Variants in RNF10 observed in about 807,000 individuals in gnomAD.
The protein encoded by RNF10 is ring finger protein 10.
In RNF10, 38 loss-of-function variants were observed where a neutral mutation model predicts 91.4. The observed-to-expected ratio is 0.42, with a 90% CI of 0.32 to 0.54. The LOEUF (loss-of-function observed/expected upper bound fraction) is 0.54. Ranked by LOEUF, RNF10 falls within the 20% of genes least tolerant of loss-of-function variation. The probability of loss-of-function intolerance (pLI) is 0.16; values close to 1 mark genes in which losing one functional copy is unlikely to be tolerated. For synonymous variants in RNF10, 364 were observed against 366.3 expected, an observed-to-expected ratio of 0.99 and a Z score of 0.07; for missense variants, 945 against 1,012.0, an observed-to-expected ratio of 0.93 and a Z score of 0.90.
At chr12:120,567,761 A>T (rs1875984981) in intron 13 of RNF10, among the ~76,000 whole-genome samples, 1 of 151,942 alleles carries the variant, frequency 6.6e-6, no homozygotes, top group Admixed American at 6.6e-5. Context: ...CTATTCACGT[A>T]CTAATGGGAA....
chr12:120,559,397 T>C (rs1006293552), intron 6 of RNF10, among the ~76,000 whole-genome samples: 1 of 151,892 alleles, frequency 6.6e-6, no homozygotes, highest in Non-Finnish European at 1.5e-5. Context: ...GTTTTTGTTT[T>C]TGTTTTGAGA....
chr12:120,552,629 A>C lies in RNF10; in HGVS notation c.485A>C (p.His162Pro), dbSNP rs778753346. The C allele has an allele frequency of 6.2e-7, 1 of 1,614,178 alleles. No homozygotes were observed. Among genetic ancestry groups the C allele is most frequent in the Non-Finnish European group, 8.5e-7 (1 of 1,180,010 alleles). ...GQTGHFEGSG[H>P]GSWGKRNKWG... ...ACGGGTCACTTTGAAGGCAGTGGAC[A>C]TGGTAGCTGGGGAAAGAGGAACAAG... Residue 162 changes from histidine to proline, a missense_variant, in exon 3 of 17, where the codon CAT becomes CCT. Transcript: ENST00000325954.
chr12:120,568,155 A>G (rs492574), intron 13 of RNF10, among the ~76,000 whole-genome samples: 87,634 of 151,772 alleles, frequency 0.58, 29,040 homozygotes, highest in East Asian at 0.77. Context: ...TGAGGTGGGG[A>G]GATGGCTTGA....
rs758586614 is a variant in RNF10 at position 120,576,715 on chromosome 12, T to G, written c.*49T>G. On this transcript the variant is annotated 3_prime_UTR_variant, in exon 17 of 17. Coordinates refer to ENST00000325954, the MANE Select transcript of RNF10 (RefSeq NM_014868.5). ...TCCATCTGGTTTTTGTTTTTGTTTT[T>G]TTTTCCCCCATGCTTTTGTTTGGCT... 1.3e-6 allele frequency: 2 copies of G among 1,593,302 alleles called. No homozygotes were observed. Among genetic ancestry groups the G allele is most frequent in the Admixed American group, 1.9e-5 (1 of 53,768 alleles).
At chr12:120,568,658 T>C (rs1055148662) in intron 13 of RNF10, among the ~76,000 whole-genome samples, 1 of 151,994 alleles carries the variant, frequency 6.6e-6, no homozygotes, top group Non-Finnish European at 1.5e-5. Context: ...GTATTTTTAA[T>C]AGAGACAGGG....
intron 1 of RNF10, among the ~76,000 whole-genome samples, chr12:120,536,144 G>C (rs986156483): frequency 2.6e-5 from 4 of 152,124 alleles, no homozygotes; most frequent in Non-Finnish European, 5.9e-5. Context: ...GAGTGAGACC[G>C]GGCGCGGTGG....
At chr12:120,547,232 C>T (rs1210179013) in intron 2 of RNF10, among the ~76,000 whole-genome samples, 1 of 152,134 alleles carries the variant, frequency 6.6e-6, no homozygotes, top group Non-Finnish European at 1.5e-5. Context: ...GCTTTAAAGA[C>T]ACCTTCTCTG....
chr12:120,571,694 T>C (rs1405028905), intron 14 of RNF10, among the ~76,000 whole-genome samples: 1 of 152,204 alleles, frequency 6.6e-6, no homozygotes, highest in African/African-American at 2.4e-5. Context: ...ATAACTTGTG[T>C]ACTGGATACT....
At chr12:120,552,969 T>A (rs1873343882) in intron 3 of RNF10, among the ~76,000 whole-genome samples, 1 of 151,472 alleles carries the variant, frequency 6.6e-6, no homozygotes, top group Admixed American at 6.6e-5. Context: ...TGAATCTTGT[T>A]TCGGCCTTTG....
At chr12:120,558,732 C>A (rs1468882508) in intron 6 of RNF10, among the ~76,000 whole-genome samples, 1 of 151,270 alleles carries the variant, frequency 6.6e-6, no homozygotes, top group Non-Finnish European at 1.5e-5. Context: ...CCATGCCTGG[C>A]TGATTTTTTT....
intron 12 of RNF10, among the ~76,000 whole-genome samples, chr12:120,565,790 T>C (rs1593104786): frequency 6.6e-6 from 1 of 152,174 alleles, no homozygotes; most frequent in East Asian, 1.9e-4. Flanking sequence ...GAGATGGGAA[T>C]TGGGGCTTCG....
intron 1 of RNF10, chr12:120,539,383 C>T (rs1258984268): frequency 7.8e-7 from 1 of 1,287,818 alleles, no homozygotes; most frequent in South Asian, 1.2e-5. Flanking sequence ...CTAATTTCAG[C>T]TGGATTCAAT....
At chr12:120,553,437 C>T (rs4767910) in intron 3 of RNF10, among the ~76,000 whole-genome samples, 37,403 of 137,834 alleles carry the variant, frequency 0.27, 5,580 homozygotes, top group East Asian at 0.51. Flanking sequence ...AAGTCTTGCT[C>T]TGTCACCCAG....
At chr12:120,550,603 CT>C (rs1184392958) in intron 2 of RNF10, among the ~76,000 whole-genome samples, 279 of 141,570 alleles carry the variant, frequency 2.0e-3, no homozygotes, top group Non-Finnish European at 2.1e-3. Context: ...TTTTTGTTTG[CT>C]TTTTTTTTTT....
chr12:120,540,595 G>A (rs1188105986), intron 1 of RNF10, among the ~76,000 whole-genome samples: 1 of 152,094 alleles, frequency 6.6e-6, no homozygotes, highest in African/African-American at 2.4e-5. Context: ...CCTTTTGCCT[G>A]GGTCTAGAGA....
At chr12:120,571,159 C>T (rs369538561) in intron 13 of RNF10, 32 bp from the exon 14 acceptor site, 119 of 1,483,576 alleles carry the variant, frequency 8.0e-5, no homozygotes, top group Middle Eastern at 1.7e-4. Flanking sequence ...TGGAACGTGA[C>T]GAATATAATC....
At chr12:120,569,061 C>G (rs1876199117) in intron 13 of RNF10, among the ~76,000 whole-genome samples, 1 of 152,194 alleles carries the variant, frequency 6.6e-6, no homozygotes. Flanking sequence ...ACCTCTGCCT[C>G]CTGGGTTCAA....
chr12:120,539,279 A>G (rs775128899), intron 1 of RNF10: 26 of 610,046 alleles, frequency 4.3e-5, no homozygotes, highest in Admixed American at 2.7e-4. Flanking sequence ...GTATTTTTCA[A>G]TAAGCTTTGT....
intron 3 of RNF10, among the ~76,000 whole-genome samples, chr12:120,553,588 A>G (rs1873507498): frequency 6.6e-6 from 1 of 151,278 alleles, no homozygotes; most frequent in African/African-American, 2.4e-5. Context: ...TATTTTTAGT[A>G]GAGATGGTGT....
Sources: allele counts gnomAD v4.1 joint callset (sites outside exome capture counted in the v4.1 genomes callset), GRCh38; gene constraint gnomAD v4.1.1; transcripts MANE v1.5; gene names NCBI Gene and HGNC (gene_info 2026-07-23, HGNC 2026-07-21).